The following WSCD2 variants were observed in gnomAD, a reference collection of about 807,000 sequenced individuals.
The protein encoded by WSCD2 is WSC domain sialate O sulfotransferase 2.
A neutral mutation model predicts 55.7 loss-of-function variants in WSCD2; 28 were observed. The observed-to-expected ratio is 0.50, with a 90% confidence interval of 0.37 to 0.69. WSCD2 has a LOEUF of 0.69. WSCD2 is among the 30% of genes least tolerant of loss of function. WSCD2 has a pLI of 0.00. For synonymous variants in WSCD2, 301 were observed against 301.9 expected, an observed-to-expected ratio of 1.00 and a Z score of 0.03; for missense variants, 616 against 762.1, an observed-to-expected ratio of 0.81 and a Z score of 2.26.
intron 8 of WSCD2, among the ~76,000 whole-genome samples, chr12:108,241,689 A>G (rs1889759323): frequency 6.6e-6 from 1 of 152,218 alleles, no homozygotes; most frequent in Admixed American, 6.5e-5. Context: ...TGGTGAGAGG[A>G]TAGATCTCAT....
intron 1 of WSCD2, among the ~76,000 whole-genome samples, chr12:108,164,163 CAG>C (rs1312403550): frequency 2.1e-4 from 2 of 9,660 alleles, no homozygotes; most frequent in Non-Finnish European, 5.7e-4. Context: ...TTTTTTTTTT[CAG>C]AGAGGGGGAT....
At chr12:108,194,195 G>A (rs1883582951) in intron 1 of WSCD2, among the ~76,000 whole-genome samples, 1 of 152,230 alleles carries the variant, frequency 6.6e-6, no homozygotes, top group Non-Finnish European at 1.5e-5. Context: ...CCTGGTTACA[G>A]ATGTGGGTTT....
At chr12:108,212,549 C>A (rs1209874816) in intron 4 of WSCD2, among the ~76,000 whole-genome samples, 3 of 151,808 alleles carry the variant, frequency 2.0e-5, no homozygotes, top group Admixed American at 6.6e-5. Flanking sequence ...TTCTCTCCCC[C>A]ACCTTCCTCC....
At chr12:108,151,385 C>T (rs1461494237) in intron 1 of WSCD2, among the ~76,000 whole-genome samples, 1 of 152,108 alleles carries the variant, frequency 6.6e-6, no homozygotes, top group Non-Finnish European at 1.5e-5. Flanking sequence ...GAAAAATTGG[C>T]CCCAGTTAAG....
chr12:108,244,414 G>C (rs1889951165), intron 8 of WSCD2: 1 of 680,212 alleles, frequency 1.5e-6, no homozygotes, highest in Admixed American at 2.0e-5. Flanking sequence ...GGGATGTTTG[G>C]ACTAAAATGA....
chr12:108,248,662 G>T lies in WSCD2; in HGVS notation c.*319G>T. 2 of 1,093,436 alleles carry T rather than the reference G, an allele frequency of 1.8e-6. No homozygotes were observed. Among genetic ancestry groups the T allele is most frequent in the Non-Finnish European group, 2.2e-6 (2 of 895,854 alleles). The allele number at this position is 1,093,436 out of a possible 1,614,324, so 67.7% of individuals were successfully genotyped here. A position where few individuals can be genotyped will look rare whatever the true frequency, so the allele number is the denominator to read the frequency against. ...TCTGGGTTCCATTTGTGGGAGGGAG[G>T]GCTCATCCACATCATGGAGACTTGC... On this transcript the variant is annotated 3_prime_UTR_variant, in exon 9 of 9. Transcript: ENST00000547525. This position sits in a 1 kb window ranked among gnomAD's most constrained non-coding sequence, Gnocchi z 4.3.
At chr12:108,199,945 C>T (rs1038397862) in intron 2 of WSCD2, among the ~76,000 whole-genome samples, 1 of 152,054 alleles carries the variant, frequency 6.6e-6, no homozygotes, top group African/African-American at 2.4e-5. Context: ...TAATACATGC[C>T]AGCTATTATT....
intron 1 of WSCD2, among the ~76,000 whole-genome samples, chr12:108,133,509 C>T (rs568899149): frequency 3.7e-4 from 56 of 152,108 alleles, no homozygotes; most frequent in Non-Finnish European, 6.2e-4. Context: ...GGGGTATAAA[C>T]AAGTGTGTGG....
At chr12:108,135,773 G>T (rs1324997772) in intron 1 of WSCD2, among the ~76,000 whole-genome samples, 1 of 152,230 alleles carries the variant, frequency 6.6e-6, no homozygotes. Flanking sequence ...CTAGAATAGA[G>T]GCCAACAAAC....
intron 7 of WSCD2, among the ~76,000 whole-genome samples, chr12:108,236,761 C>T (rs1265758414): frequency 1.3e-5 from 2 of 152,096 alleles, no homozygotes; most frequent in Non-Finnish European, 2.9e-5. Flanking sequence ...TCTCCCCCAA[C>T]TCCTGCCTTC....
At chr12:108,133,658 C>CAA (rs1176353691) in intron 1 of WSCD2, among the ~76,000 whole-genome samples, 1 of 152,182 alleles carries the variant, frequency 6.6e-6, no homozygotes, top group Admixed American at 6.5e-5. Flanking sequence ...GCAGTTGGTG[C>CAA]CAGCTCTGAG....
Position 108,250,327 on chromosome 12 carries a change from C to T in WSCD2, c.*1984C>T, listed in dbSNP as rs1890363180. On this transcript the variant is annotated 3_prime_UTR_variant, in exon 9 of 9. Coordinates refer to ENST00000547525, the MANE Select transcript of WSCD2 (RefSeq NM_014653.4). Reference sequence around the variant, plus strand: ...TGGCAGGCGGGTTGGTGTATAACTGCTTTGTGCCTGTGTGACTCTGGCATA... The same window carrying T: ...TGGCAGGCGGGTTGGTGTATAACTGTTTTGTGCCTGTGTGACTCTGGCATA... 1 of 152,240 alleles carries T rather than the reference C, an allele frequency of 6.6e-6. No homozygotes were observed. Among genetic ancestry groups the T allele is most frequent in the Non-Finnish European group, 1.5e-5 (1 of 68,090 alleles). 9.4% of individuals were successfully genotyped at this position (152,240 alleles called of 1,614,324 possible).
intron 5 of WSCD2, among the ~76,000 whole-genome samples, chr12:108,225,167 T>C (rs1376519746): frequency 6.6e-6 from 1 of 152,172 alleles, no homozygotes; most frequent in African/African-American, 2.4e-5. Context: ...GGGTAATTCA[T>C]TTGAAAAAAA....
At chr12:108,185,588 G>A (rs1008987329) in intron 1 of WSCD2, among the ~76,000 whole-genome samples, 3 of 152,134 alleles carry the variant, frequency 2.0e-5, no homozygotes, top group African/African-American at 7.2e-5. Context: ...TTGACATTGT[G>A]ATGCGCACAC....
chr12:108,133,190 GTGTA>G (rs1355726196), intron 1 of WSCD2, among the ~76,000 whole-genome samples: 4 of 152,170 alleles, frequency 2.6e-5, no homozygotes, highest in South Asian at 2.1e-4. Context: ...GTATCTCTGT[GTGTA>G]TGTGTGTGTT....
At chr12:108,143,847 C>T (rs545935937) in intron 1 of WSCD2, among the ~76,000 whole-genome samples, 5 of 152,230 alleles carry the variant, frequency 3.3e-5, no homozygotes, top group Admixed American at 2.6e-4. Context: ...AGTTTATCAG[C>T]GGAAAGCTGT....
At chr12:108,184,246 G>A (rs73397892) in intron 1 of WSCD2, among the ~76,000 whole-genome samples, 1,738 of 152,230 alleles carry the variant, frequency 0.011, 30 homozygotes, top group African/African-American at 0.039. Flanking sequence ...AAGGTTCTCC[G>A]GGACAGGGGA....
At chr12:108,175,825 G>C (rs543756763) in intron 1 of WSCD2, among the ~76,000 whole-genome samples, 1 of 152,182 alleles carries the variant, frequency 6.6e-6, no homozygotes, top group African/African-American at 2.4e-5. Context: ...ATGTTACATG[G>C]CATTTTTCTT....
intron 4 of WSCD2, among the ~76,000 whole-genome samples, chr12:108,220,626 C>T (rs1286133232): frequency 6.6e-6 from 1 of 152,172 alleles, no homozygotes; most frequent in Non-Finnish European, 1.5e-5. Context: ...ACTGCCTGGG[C>T]TCAAGCAATT....
Sources: gnomAD v4.1 joint callset for allele counts (sites outside exome capture counted in the v4.1 genomes callset) on GRCh38, gnomAD v4.1.1 for gene constraint, Gnocchi (gnomAD v3.1) non-coding constraint, MANE v1.5 for transcripts, NCBI Gene and HGNC (gene_info 2026-07-23, HGNC 2026-07-21) for gene names.